The following LPIN2 variants were observed in gnomAD, a reference collection of about 807,000 sequenced individuals.
The protein encoded by LPIN2 is lipin 2.
In LPIN2, 55 loss-of-function variants were observed where a neutral mutation model predicts 111.4. The ratio of observed to expected loss-of-function variants is 0.49; its 90% CI spans 0.40 to 0.62. The LOEUF (loss-of-function observed/expected upper bound fraction) is 0.62, where lower values mean the gene tolerates loss of function less well. Among genes scored for constraint, LPIN2 ranks in the 20% least tolerant of loss-of-function variants. The probability of loss-of-function intolerance (pLI) is 0.00; values close to 1 mark genes in which losing one functional copy is unlikely to be tolerated. For synonymous variants in LPIN2, 425 were observed against 414.0 expected (o/e 1.03, Z -0.32); for missense variants, 992 against 1,112.1 (o/e 0.89, Z 1.54).
intron 2 of LPIN2, among the ~76,000 whole-genome samples, chr18:2,956,463 C>CT (rs1212396026): frequency 6.6e-6 from 1 of 152,182 alleles, no homozygotes; most frequent in African/African-American, 2.4e-5. Flanking sequence ...AAATACTATT[C>CT]TTCAATAAAA....
At chr18:2,927,462 C>T (rs773502897) in intron 12 of LPIN2, among the ~76,000 whole-genome samples, 1 of 152,326 alleles carries the variant, frequency 6.6e-6, no homozygotes. Flanking sequence ...AGCTCCGTCT[C>T]TCACCAGTTA....
chr18:2,934,385 C>G lies in LPIN2; in HGVS notation c.1234G>C (p.Glu412Gln), dbSNP rs770437067. The G allele has an allele frequency of 1.2e-6, 2 of 1,613,696 alleles. No homozygotes were observed. Among genetic ancestry groups the G allele is most frequent in the East Asian group, 2.2e-5 (1 of 44,834 alleles). ...DIYLDDLKGL[E>Q]PEVAALYFPK... ...AAATAAAGAGCTGCAACTTCAGGTT[C>G]TAGACCCTTTAAGTCATCAAGGTAA... is the stretch of plus-strand genomic sequence containing the variant. The change falls in exon 8 of 20, where the codon GAA (glutamate) becomes CAA (glutamine). Residue 412 changes from glutamate (E) to glutamine (Q), a missense_variant. Around this residue, in one of 4 missense-constraint regions of LPIN2, gnomAD observed 709 missense variants for 753.2 expected, o/e 0.94. Coordinates refer to ENST00000677752, the MANE Select transcript of LPIN2 (RefSeq NM_001375808.2).
intron 2 of LPIN2, 173 bp downstream of exon 2, chr18:2,960,476 G>T: frequency 6.0e-6 from 4 of 671,276 alleles, no homozygotes; most frequent in Non-Finnish European, 1.0e-5. Flanking sequence ...ATACATAAAG[G>T]TTGACTTCTC....
intron 1 of LPIN2, among the ~76,000 whole-genome samples, chr18:2,974,106 T>C (rs543011148): frequency 3.9e-5 from 6 of 152,304 alleles, no homozygotes; most frequent in African/African-American, 1.4e-4. Context: ...TTTTGTTTTG[T>C]TTTTTTGAGA....
In LPIN2 at chr18:2,917,555, G is replaced by A. The variant is rs1230682673; in HGVS notation, c.*2738C>T. 6.6e-6 allele frequency: 1 copy of A among 152,228 alleles called. No individual in the cohort carries two copies. The highest frequency in any genetic ancestry group is 1.5e-5 in the Non-Finnish European group (1 of 68,052). 9.4% of individuals were successfully genotyped at this position (152,228 alleles called of 1,614,324 possible). ...CTCCTTTGTCCCTCGGTTGTTCTGT[G>A]ACTTTGAGCAGCTTTCATTTTAGGA... On this transcript the variant is annotated 3_prime_UTR_variant, in exon 20 of 20. Coordinates refer to ENST00000677752, the MANE Select transcript of LPIN2 (RefSeq NM_001375808.2).
rs2077030492 is a variant in LPIN2 at position 2,920,132 on chromosome 18, G to A, written c.*161C>T. 3.2e-6 allele frequency: 3 copies of A among 923,386 alleles called. No homozygotes were observed. The highest frequency in any genetic ancestry group is 5.0e-6 in the Non-Finnish European group (3 of 596,698). The allele number at this position is 923,386 out of a possible 1,614,324, so 57.2% of individuals were successfully genotyped here. A position where few individuals can be genotyped will look rare whatever the true frequency, so the allele number is the denominator to read the frequency against. On this transcript the variant is annotated 3_prime_UTR_variant, in exon 20 of 20. Transcript: ENST00000677752. ...GCTGAGCTGCAGACCTGCCGAGCCT[G>A]AGCAGCTGGCCTGGGAAGGCAAAGG...
chr18:2,926,568 G>A (rs1215868969), intron 13 of LPIN2, among the ~76,000 whole-genome samples, 155 bp downstream of exon 13: 2 of 152,184 alleles, frequency 1.3e-5, no homozygotes, highest in Admixed American at 6.5e-5. Flanking sequence ...TAGAAAAGCA[G>A]TTGTCATCTG....
At chr18:2,921,066 A>T in intron 18 of LPIN2, 185 bp from the exon 19 acceptor site, 1 of 646,468 alleles carries the variant, frequency 1.5e-6, no homozygotes, top group East Asian at 2.8e-5. Flanking sequence ...GTGCTTGGAG[A>T]GTCAGAAAAC....
intron 2 of LPIN2, 60 bp downstream of exon 2, chr18:2,960,589 C>G: frequency 1.3e-6 from 2 of 1,533,566 alleles, no homozygotes; most frequent in Middle Eastern, 4.0e-4. Flanking sequence ...TCCTTGAGGA[C>G]ACTCACTCAC....
At chr18:2,934,091 G>A (rs769564680) in intron 8 of LPIN2, among the ~76,000 whole-genome samples, 1 of 152,184 alleles carries the variant, frequency 6.6e-6, no homozygotes, top group Non-Finnish European at 1.5e-5. Flanking sequence ...CTAATCAGAA[G>A]TCATATACCC....
rs148501558 is a variant in LPIN2, at chr18:2,935,858, G to C, written c.1169-1408C>G. Among the ~76,000 whole-genome samples the C allele has an allele frequency of 2.0e-5, 3 of 152,182 alleles. No homozygotes were observed. The East Asian group carries it at 5.8e-4, about 29-fold the overall frequency. ...CAAAAATGTATAATAAAAAGTAGAG[G>C]GGAAAAAGAATGAGGCCAAAAGAAT... On this transcript the variant is annotated intron_variant, in intron 7 of 19. Coordinates refer to ENST00000677752, the MANE Select transcript of LPIN2 (RefSeq NM_001375808.2).
rs143090653 is a variant in LPIN2 at position 2,925,295 on chromosome 18, G to A, written c.1867C>T (p.Pro623Ser). 2,557 of 1,614,160 alleles carry A rather than the reference G, an allele frequency of 1.6e-3. 40 individuals carry two copies. In the African/African-American group the frequency reaches 0.029, roughly 18 times the overall value. Residue 623 changes from proline to serine, a missense_variant, in exon 14 of 20, where the codon CCC (proline) becomes TCC (serine). Transcript: ENST00000677752. This position sits in a 1 kb window ranked among gnomAD's most constrained non-coding sequence, Gnocchi z 4.1. ...LEESITVDPI[P>S]TEPLSHGSTT... ...CTGCCGTGGCTCAGGGGCTCTGTGG[G>A]GATGGGGTCCACTGTGATGGATTCT...
rs560633774 is a variant in LPIN2 at position 2,923,192 on chromosome 18, G to A, written c.2174+583C>T. Among the ~76,000 whole-genome samples the A allele has an allele frequency of 1.3e-4, 20 of 152,048 alleles. No homozygotes were observed. The East Asian group carries it at 1.4e-3, about 10-fold the overall frequency. ...TCCCAGCACTTTGGGAGGCCGAGGC[G>A]GGGAGATCACCTGAGGTTCGGAGTT... On this transcript the variant is annotated intron_variant, in intron 16 of 19. Coordinates refer to ENST00000677752, the MANE Select transcript of LPIN2 (RefSeq NM_001375808.2).
At chr18:2,928,438 T>A (rs1397853073) in intron 11 of LPIN2, among the ~76,000 whole-genome samples, 153 bp downstream of exon 11, 3 of 152,204 alleles carry the variant, frequency 2.0e-5, no homozygotes, top group Non-Finnish European at 4.4e-5. Flanking sequence ...ATATTTTTAG[T>A]GGGTACATAT....
intron 18 of LPIN2, chr18:2,921,190 G>A (rs995849906): frequency 1.8e-6 from 1 of 548,702 alleles, no homozygotes; most frequent in Non-Finnish European, 3.3e-6. Flanking sequence ...AGGTTGGGAA[G>A]TGCTAGCGAA....
In LPIN2 at chr18:2,937,938, T is replaced by C; in HGVS notation, c.922A>G (p.Ile308Val). The C allele has an allele frequency of 1.9e-6, 3 of 1,614,102 alleles. No individual in the cohort carries two copies. The highest frequency in any genetic ancestry group is 2.5e-6 in the Non-Finnish European group (3 of 1,179,928). Residue 308 changes from isoleucine to valine, a missense_variant, in exon 7 of 20, where the codon ATC becomes GTC. By Grantham distance (29) the Ile-to-Val change is conservative. Transcript: ENST00000677752. ...GAAGCATCCTTCTCAACTTCACTGA[T>C]GAGGTTGTCCTCACTGGGAATTACC... ...FRVIPSEDNL[I>V]SEVEKDASME...
intron 1 of LPIN2, among the ~76,000 whole-genome samples, chr18:2,969,730 C>T (rs2077873933): frequency 1.3e-5 from 2 of 152,122 alleles, no homozygotes; most frequent in African/African-American, 4.8e-5. Context: ...TGAACCCCAA[C>T]CCAGACCTAC....
intron 4 of LPIN2, among the ~76,000 whole-genome samples, chr18:2,943,956 A>C (rs552693745): frequency 6.2e-4 from 94 of 152,338 alleles, no homozygotes; most frequent in African/African-American, 2.2e-3. Context: ...CTTTGTAAGA[A>C]TTCCGCAAAT....
rs1555678271 is a variant in LPIN2 at position 2,958,158 on chromosome 18, C to CAAAAAAAAAAAA, written c.192+2490_192+2491insTTTTTTTTTTTT. 5.7e-5 allele frequency among the ~76,000 whole-genome samples: 2 copies of CAAAAAAAAAAAA among 35,350 alleles called. 1 individual carries two copies. Among genetic ancestry groups the CAAAAAAAAAAAA allele is most frequent in the Non-Finnish European group, 1.0e-4 (2 of 19,334 alleles). The allele number at this position is 35,350 out of a possible 152,430, so 23.2% of individuals were successfully genotyped here. A position where few individuals can be genotyped will look rare whatever the true frequency, so the allele number is the denominator to read the frequency against. Reference sequence around the variant, plus strand: ...CTCCATCTCAAAAAAAAAAAAAAAACAACAAAAAAAAAAAACAGAAAAAAG... The same window carrying CAAAAAAAAAAAA: ...CTCCATCTCAAAAAAAAAAAAAAAACAAAAAAAAAAAAAACAAAAAAAAAAAACAGAAAAAAG... On this transcript the variant is annotated intron_variant, in intron 2 of 19. Coordinates refer to ENST00000677752, the MANE Select transcript of LPIN2 (RefSeq NM_001375808.2).
Sources: allele counts gnomAD v4.1 joint callset (sites outside exome capture counted in the v4.1 genomes callset), GRCh38; gene constraint gnomAD v4.1.1; regional missense constraint gnomAD v4.1.1; non-coding constraint Gnocchi (gnomAD v3.1); transcripts MANE v1.5; gene names NCBI Gene and HGNC (gene_info 2026-07-23, HGNC 2026-07-21).